Variants in MYO1B observed in about 807,000 individuals in gnomAD.
MYO1B encodes myosin IB, also known as unconventional myosin-Ib.
Under a neutral mutation model 159.7 loss-of-function variants are expected in MYO1B, and 72 were observed. That is an observed-to-expected ratio of 0.45 (90% CI 0.37 to 0.55). The LOEUF is 0.55. Ranked by LOEUF, MYO1B falls within the 20% of genes least tolerant of loss-of-function variation. The pLI, the probability that MYO1B is intolerant of heterozygous loss-of-function variation, is 0.00. For missense variants in MYO1B, 1,062 were observed against 1,364.8 expected (o/e 0.78, Z 3.50); for synonymous variants, 468 against 473.8 (o/e 0.99, Z 0.16).
At chr2:191,322,164 T>G (rs1690763504) in intron 3 of MYO1B, among the ~76,000 whole-genome samples, 1 of 152,176 alleles carries the variant, frequency 6.6e-6, no homozygotes, top group Non-Finnish European at 1.5e-5. Context: ...CTTTCCCCCC[T>G]GTGGTGGTTT....
chr2:191,339,672 A>G (rs10182568), intron 4 of MYO1B, among the ~76,000 whole-genome samples: 13,729 of 152,170 alleles, frequency 0.09, 2,028 homozygotes, highest in African/African-American at 0.31. Flanking sequence ...TTGAAGAAGC[A>G]CCTAATGTCC....
intron 5 of MYO1B, among the ~76,000 whole-genome samples, 186 bp downstream of exon 5, chr2:191,341,751 T>C (rs1313903632): frequency 1.3e-5 from 2 of 152,226 alleles, no homozygotes; most frequent in Non-Finnish European, 2.9e-5. Context: ...TTTAGCAGAA[T>C]AGTTTACTAA....
intron 2 of MYO1B, among the ~76,000 whole-genome samples, chr2:191,279,382 T>A (rs2125751644): frequency 6.6e-6 from 1 of 152,264 alleles, no homozygotes; most frequent in East Asian, 1.9e-4. Flanking sequence ...TTGTATATAT[T>A]TGTATGTACA....
intron 1 of MYO1B, among the ~76,000 whole-genome samples, chr2:191,264,203 T>C (rs1686986718): frequency 6.6e-6 from 1 of 152,222 alleles, no homozygotes; most frequent in South Asian, 2.1e-4. Flanking sequence ...ATTATCAGTG[T>C]CTTTTTTGGA....
intron 3 of MYO1B, among the ~76,000 whole-genome samples, chr2:191,313,752 C>G (rs1328167153): frequency 6.6e-6 from 1 of 152,144 alleles, no homozygotes; most frequent in Non-Finnish European, 1.5e-5. Flanking sequence ...CTCCTGACCT[C>G]AGGTGATACA....
At chr2:191,325,424 GGTAA>G (rs1196419904) in intron 3 of MYO1B, among the ~76,000 whole-genome samples, 1 of 152,100 alleles carries the variant, frequency 6.6e-6, no homozygotes, top group Non-Finnish European at 1.5e-5. Context: ...TCTAAGTTCA[GGTAA>G]GTTTCCTGAG....
chr2:191,362,506 T>C, intron 9 of MYO1B, 135 bp downstream of exon 9: 1 of 548,626 alleles, frequency 1.8e-6, no homozygotes, highest in Non-Finnish European at 3.1e-6. Flanking sequence ...AAGAATTCTA[T>C]TTTTGTTACT....
intron 19 of MYO1B, among the ~76,000 whole-genome samples, chr2:191,392,764 T>C (rs1368437666): frequency 2.0e-5 from 3 of 152,216 alleles, no homozygotes; most frequent in African/African-American, 7.2e-5. Flanking sequence ...TTCCAGCATC[T>C]ACCTTCCATT....
chr2:191,278,624 T>C (rs1687880595), intron 2 of MYO1B, among the ~76,000 whole-genome samples: 1 of 152,234 alleles, frequency 6.6e-6, no homozygotes, highest in Admixed American at 6.5e-5. Context: ...GAAATGTGTT[T>C]ACAGTTCAGA....
chr2:191,296,293 C>T, intron 3 of MYO1B, 67 bp downstream of exon 3: 1 of 754,548 alleles, frequency 1.3e-6, no homozygotes, highest in South Asian at 4.0e-5. Flanking sequence ...CAGATGTGTG[C>T]AGCTGTCTCC....
At chr2:191,262,888 A>G (rs1371772469) in intron 1 of MYO1B, 1 of 152,152 alleles carries the variant, frequency 6.6e-6, no homozygotes, top group East Asian at 1.9e-4. Context: ...CTGCTGTATG[A>G]TAGTAGCTGT....
intron 2 of MYO1B, among the ~76,000 whole-genome samples, chr2:191,289,411 A>G (rs898548387): frequency 6.6e-6 from 1 of 152,144 alleles, no homozygotes; most frequent in Non-Finnish European, 1.5e-5. Flanking sequence ...CTCCTTTGTT[A>G]TGGACATTAA....
chr2:191,253,758 C>T (rs942417019), intron 1 of MYO1B, among the ~76,000 whole-genome samples: 3 of 152,194 alleles, frequency 2.0e-5, no homozygotes, highest in Non-Finnish European at 4.4e-5. Context: ...ATATGTTCAA[C>T]AAGCTTGTTG....
intron 3 of MYO1B, among the ~76,000 whole-genome samples, chr2:191,300,426 C>T (rs1174461865): frequency 1.3e-5 from 2 of 151,546 alleles, no homozygotes; most frequent in African/African-American, 2.4e-5. Context: ...TCACTGCAAC[C>T]TCCACCTCCC....
intron 24 of MYO1B, among the ~76,000 whole-genome samples, chr2:191,405,386 A>G (rs903967948): frequency 8.5e-5 from 13 of 152,216 alleles, no homozygotes; most frequent in African/African-American, 3.1e-4. Context: ...CCAAACTTCT[A>G]TTAATGTGGC....
chr2:191,418,152 C>T (rs2126188426), intron 30 of MYO1B, among the ~76,000 whole-genome samples: 1 of 152,320 alleles, frequency 6.6e-6, no homozygotes, highest in South Asian at 2.1e-4. Context: ...ACCCGTGGGT[C>T]CCTTCCCCAG....
intron 13 of MYO1B, chr2:191,381,158 C>G: frequency 2.6e-6 from 1 of 388,946 alleles, no homozygotes; most frequent in Non-Finnish European, 4.9e-6. Context: ...CTTTGCTGAT[C>G]CTTCAGCAAA....
chr2:191,288,109 G>A (rs902344019), intron 2 of MYO1B, among the ~76,000 whole-genome samples: 5 of 151,828 alleles, frequency 3.3e-5, no homozygotes, highest in African/African-American at 9.7e-5. Flanking sequence ...TTCATCTGTC[G>A]CTGGACACTT....
intron 7 of MYO1B, among the ~76,000 whole-genome samples, chr2:191,356,092 T>A (rs1320855857): frequency 6.6e-6 from 1 of 152,170 alleles, no homozygotes; most frequent in East Asian, 1.9e-4. Context: ...ATTTTATTGA[T>A]GGAAAGTCAT....
Sources: allele counts gnomAD v4.1 joint callset (sites outside exome capture counted in the v4.1 genomes callset), GRCh38; gene constraint gnomAD v4.1.1; transcripts MANE v1.5; gene names NCBI Gene and HGNC (gene_info 2026-07-23, HGNC 2026-07-21).